The following CADPS variants were observed in gnomAD, a reference collection of about 807,000 sequenced individuals.
CADPS encodes calcium dependent secretion activator, also known as calcium-dependent secretion activator 1.
CADPS carries 57 observed loss-of-function variants against 167.3 expected under a neutral mutation model. That is an observed-to-expected ratio of 0.34 (90% CI 0.28 to 0.42). The LOEUF is 0.42. Among genes scored for constraint, CADPS ranks in the 20% least tolerant of loss-of-function variants. The probability of loss-of-function intolerance (pLI) is 1.00; values close to 1 mark genes in which losing one functional copy is unlikely to be tolerated. For missense variants in CADPS, 1,414 were observed against 1,738.1 expected, an observed-to-expected ratio of 0.81 and a Z score of 3.32; for synonymous variants, 676 against 635.3, an observed-to-expected ratio of 1.06 and a Z score of -0.96.
At chr3:62,563,546 G>A (rs1053584648) in intron 9 of CADPS, among the ~76,000 whole-genome samples, 3 of 152,148 alleles carry the variant, frequency 2.0e-5, no homozygotes, top group Non-Finnish European at 4.4e-5. Context: ...TTTAAAAAAT[G>A]TTTTATTTCC....
rs576364739 is a variant in CADPS, at chr3:62,470,064, A to G, written c.3478-3651T>C. Among the ~76,000 whole-genome samples the G allele has an allele frequency of 3.3e-5, 5 of 152,336 alleles. No individual in the cohort carries two copies. The East Asian group carries it at 9.6e-4, about 29-fold the overall frequency. On this transcript the variant is annotated intron_variant, in intron 24 of 29. Transcript: ENST00000383710. ...GACCTTGGAAATGAGATGAAAACAC[A>G]CTAGACCAAGTGAGAAACTATTTAA...
intron 3 of CADPS, among the ~76,000 whole-genome samples, chr3:62,703,572 G>T (rs182595795): frequency 6.6e-6 from 1 of 152,212 alleles, no homozygotes; most frequent in Non-Finnish European, 1.5e-5. Context: ...TCTTCAGTGG[G>T]ATTAGTGGCA....
In CADPS at chr3:62,433,444, T is replaced by A. The variant is rs559483594; in HGVS notation, c.3777+4660A>T. Among the ~76,000 whole-genome samples, 127 of 152,318 alleles carry A rather than the reference T, an allele frequency of 8.3e-4. No homozygotes were observed. The highest frequency in any genetic ancestry group is 3.4e-3 in the Middle Eastern group (1 of 294). The stretch of plus-strand genomic sequence containing the variant: ...GGTTTGGTAAGAGGCCCTTTCCTGA[T>A]CTGATAACTGCCACGGAGAAGCCAA... On this transcript the variant is annotated intron_variant, in intron 28 of 29. Coordinates refer to ENST00000383710, the MANE Select transcript of CADPS (RefSeq NM_003716.4). This position sits in a 1 kb window ranked among gnomAD's most constrained non-coding sequence, Gnocchi z 4.7.
chr3:62,531,540 TAC>T (rs2073692607), intron 13 of CADPS, among the ~76,000 whole-genome samples: 1 of 152,168 alleles, frequency 6.6e-6, no homozygotes, highest in Admixed American at 6.5e-5. Flanking sequence ...GAAAAAATCC[TAC>T]AGAGATTTTA....
intron 3 of CADPS, among the ~76,000 whole-genome samples, chr3:62,670,694 C>A: frequency 6.6e-6 from 1 of 151,990 alleles, no homozygotes; most frequent in Non-Finnish European, 1.5e-5. Context: ...AAAAAAAAAC[C>A]CAAACAGAAA....
At chr3:62,650,532 T>C (rs985158511) in intron 5 of CADPS, among the ~76,000 whole-genome samples, 1 of 152,230 alleles carries the variant, frequency 6.6e-6, no homozygotes, top group East Asian at 1.9e-4. Flanking sequence ...CTTATAACTG[T>C]AAAACTGGCT....
intron 28 of CADPS, among the ~76,000 whole-genome samples, chr3:62,407,411 T>C (rs1708918837): frequency 6.6e-6 from 1 of 152,222 alleles, no homozygotes; most frequent in African/African-American, 2.4e-5. Flanking sequence ...CATTTTAAAC[T>C]ATATTGACCT....
chr3:62,414,982 G>T (rs770742620), intron 28 of CADPS, among the ~76,000 whole-genome samples: 2 of 151,930 alleles, frequency 1.3e-5, no homozygotes, highest in Non-Finnish European at 2.9e-5. Flanking sequence ...GGAAGTGACC[G>T]CTGGGCAAAA....
At chr3:62,797,789 A>G (rs1411936229) in intron 1 of CADPS, among the ~76,000 whole-genome samples, 1 of 152,126 alleles carries the variant, frequency 6.6e-6, no homozygotes, top group African/African-American at 2.4e-5. Context: ...TATGTAACAA[A>G]CCTGCACTTG....
At chr3:62,786,725 A>G (rs304208) in intron 1 of CADPS, among the ~76,000 whole-genome samples, 114,335 of 152,120 alleles carry the variant, frequency 0.75, 43,261 homozygotes, top group East Asian at 0.95. Context: ...TTATAAACTT[A>G]ATTAATCTGC....
chr3:62,726,765 C>T (rs73107679), intron 3 of CADPS, among the ~76,000 whole-genome samples: 6 of 151,872 alleles, frequency 4.0e-5, no homozygotes, highest in Non-Finnish European at 7.3e-5. Context: ...TCCTACCAAC[C>T]AATAAACCCT....
intron 10 of CADPS, among the ~76,000 whole-genome samples, chr3:62,551,355 G>A (rs530984350): frequency 2.6e-5 from 4 of 152,214 alleles, no homozygotes; most frequent in East Asian, 1.9e-4. Context: ...TGGTTCCACC[G>A]TTAGGACATT....
chr3:62,850,879 C>A (rs376602776), intron 1 of CADPS, among the ~76,000 whole-genome samples: 315 of 151,222 alleles, frequency 2.1e-3, no homozygotes, highest in African/African-American at 7.1e-3. Flanking sequence ...TGGGGTGTTA[C>A]AGTCTCCCAT....
intron 16 of CADPS, among the ~76,000 whole-genome samples, chr3:62,515,765 C>T (rs188609078): frequency 1.2e-3 from 179 of 152,124 alleles, no homozygotes; most frequent in Middle Eastern, 6.8e-3. Context: ...GCCACAGAGC[C>T]GATACTTAGG....
chr3:62,537,829 G>C (rs1199438722), intron 11 of CADPS, among the ~76,000 whole-genome samples: 1 of 151,574 alleles, frequency 6.6e-6, no homozygotes, highest in Non-Finnish European at 1.5e-5. Flanking sequence ...TATTATTATT[G>C]ATATTGTATT....
At chr3:62,467,223 T>C (rs1379894207) in intron 24 of CADPS, 1 of 676,774 alleles carries the variant, frequency 1.5e-6, no homozygotes, top group Non-Finnish European at 2.1e-6. Context: ...TAGTATCCAT[T>C]TGAATTATCC....
At chr3:62,659,052 T>C (rs1042982495) in intron 4 of CADPS, among the ~76,000 whole-genome samples, 1 of 152,150 alleles carries the variant, frequency 6.6e-6, no homozygotes, top group African/African-American at 2.4e-5. Flanking sequence ...CTTGCTTGAG[T>C]TGGTGCCTCT....
chr3:62,601,960 C>T lies in CADPS; in HGVS notation c.1326-9212G>A, dbSNP rs931984747. Among the ~76,000 whole-genome samples the T allele has an allele frequency of 6.6e-6, 1 of 152,112 alleles. No individual in the cohort carries two copies. On this transcript the variant is annotated intron_variant, in intron 6 of 29. Coordinates refer to ENST00000383710, the MANE Select transcript of CADPS (RefSeq NM_003716.4). The surrounding 1 kb of genome is among the most constrained non-coding windows in gnomAD (Gnocchi z 4.3). ...TGTTTGGGGAGCATCTGCTTGATCA[C>T]AGTCGCATCTCTGTTTACTATTTAA...
At chr3:62,808,773 G>C (rs577656378) in intron 1 of CADPS, among the ~76,000 whole-genome samples, 6 of 152,120 alleles carry the variant, frequency 3.9e-5, no homozygotes, top group African/African-American at 1.4e-4. Context: ...TGTATCTCTA[G>C]CCTTGACCTT....
Sources: allele counts gnomAD v4.1 joint callset (sites outside exome capture counted in the v4.1 genomes callset), GRCh38; gene constraint gnomAD v4.1.1; non-coding constraint Gnocchi (gnomAD v3.1); transcripts MANE v1.5; gene names NCBI Gene and HGNC (gene_info 2026-07-23, HGNC 2026-07-21).